The following WDR7 variants were observed in gnomAD, a reference collection of about 807,000 sequenced individuals.
WDR7 encodes WD repeat domain 7.
WDR7 carries 46 observed loss-of-function variants against 169.4 expected under a neutral mutation model. That is an observed-to-expected ratio of 0.27 (90% confidence interval 0.21 to 0.35). The LOEUF (loss-of-function observed/expected upper bound fraction) is 0.35, where lower values mean the gene tolerates loss of function less well. Among genes scored for constraint, WDR7 ranks in the 10% least tolerant of loss-of-function variants. The probability of loss-of-function intolerance (pLI) is 1.00; values close to 1 mark genes in which losing one functional copy is unlikely to be tolerated. For synonymous variants in WDR7, 612 were observed against 666.8 expected (o/e 0.92, Z 1.27); for missense variants, 1,534 against 1,859.3 (o/e 0.83, Z 3.22).
intron 23 of WDR7, 75 bp from the exon 24 acceptor site, chr18:56,938,458 A>T: frequency 1.3e-6 from 2 of 1,551,640 alleles, no homozygotes; most frequent in Non-Finnish European, 1.7e-6. Flanking sequence ...ATTAGAAAGT[A>T]AAAAATAAAC....
intron 21 of WDR7, among the ~76,000 whole-genome samples, chr18:56,893,365 T>A (rs548582764): frequency 1.3e-5 from 2 of 152,072 alleles, no homozygotes; most frequent in Admixed American, 1.3e-4. Context: ...TCAAACAATT[T>A]TTTATCAAGA....
intron 21 of WDR7, among the ~76,000 whole-genome samples, chr18:56,895,974 A>G (rs1397995964): frequency 1.3e-5 from 2 of 151,892 alleles, no homozygotes; most frequent in East Asian, 1.9e-4. Context: ...GTTTTATTCA[A>G]TAAACACATG....
intron 20 of WDR7, among the ~76,000 whole-genome samples, chr18:56,846,844 A>C (rs2045575894): frequency 6.6e-6 from 1 of 152,204 alleles, no homozygotes; most frequent in African/African-American, 2.4e-5. Flanking sequence ...CAGCCTGCAG[A>C]GCCATGAGCC....
chr18:56,925,650 A>G (rs2046796019), intron 22 of WDR7, among the ~76,000 whole-genome samples: 1 of 152,136 alleles, frequency 6.6e-6, no homozygotes, highest in Non-Finnish European at 1.5e-5. Flanking sequence ...ATAGTTGTCT[A>G]CTGACTGCTC....
At chr18:56,876,187 A>C (rs1599120704) in intron 20 of WDR7, among the ~76,000 whole-genome samples, 2 of 152,292 alleles carry the variant, frequency 1.3e-5, no homozygotes, top group East Asian at 3.9e-4. Flanking sequence ...AAAAATATTC[A>C]GAGAGCCTTG....
intron 26 of WDR7, among the ~76,000 whole-genome samples, chr18:56,988,168 C>A (rs1398251191): frequency 6.6e-6 from 1 of 152,176 alleles, no homozygotes; most frequent in Non-Finnish European, 1.5e-5. Flanking sequence ...AGTCTTATCA[C>A]CTTCGTAACC....
At chr18:56,828,112 C>G (rs1372729005) in intron 20 of WDR7, among the ~76,000 whole-genome samples, 1 of 152,146 alleles carries the variant, frequency 6.6e-6, no homozygotes, top group African/African-American at 2.4e-5. Flanking sequence ...GTTTGACTAT[C>G]CTTTACAAGG....
chr18:56,678,307 T>C (rs150376161), intron 2 of WDR7, among the ~76,000 whole-genome samples: 1 of 152,326 alleles, frequency 6.6e-6, no homozygotes, highest in African/African-American at 2.4e-5. Context: ...GAGGTTGTGT[T>C]TTCCTGGATG....
downstream of WDR7, chr18:57,033,186 G>A (rs1159488827): frequency 6.6e-6 from 1 of 152,074 alleles, no homozygotes; most frequent in African/African-American, 2.4e-5. Flanking sequence ...CTGAGACCCG[G>A]GGCAGGTAAA....
chr18:56,802,023 A>G (rs144445137), intron 19 of WDR7, among the ~76,000 whole-genome samples: 68 of 152,336 alleles, frequency 4.5e-4, no homozygotes, highest in Non-Finnish European at 7.9e-4. Flanking sequence ...AAGAGTAAGT[A>G]TGACTAAAAA....
chr18:57,008,052 T>C (rs931760437), intron 26 of WDR7, among the ~76,000 whole-genome samples: 1 of 152,168 alleles, frequency 6.6e-6, no homozygotes, highest in Admixed American at 6.5e-5. Flanking sequence ...TATTTCTGTG[T>C]GCTCAGTCCC....
chr18:56,693,562 T>TC lies in WDR7; in HGVS notation c.967-1057_967-1056insC, dbSNP rs2025625297. Among the ~76,000 whole-genome samples the TC allele has an allele frequency of 5.8e-5, 2 of 34,746 alleles. 1 individual carries two copies. Among genetic ancestry groups the TC allele is most frequent in the Non-Finnish European group, 3.2e-4 (2 of 6,314 alleles). 22.8% of individuals were successfully genotyped at this position (34,746 alleles called of 152,430 possible). A position where few individuals can be genotyped will look rare whatever the true frequency, so the allele number is the denominator to read the frequency against. On this transcript the variant is annotated intron_variant, in intron 9 of 27. Coordinates refer to ENST00000254442, the MANE Select transcript of WDR7 (RefSeq NM_015285.3). ...AAGCTTGATAGTTCAATTTTGTTGG[T>TC]TTTTTTTTTTGTTTTTTTTTTTTTT...
intron 13 of WDR7, among the ~76,000 whole-genome samples, chr18:56,725,862 T>C (rs1211625996): frequency 1.3e-5 from 2 of 152,238 alleles, no homozygotes; most frequent in African/African-American, 2.4e-5. Context: ...CAGTTTCAGC[T>C]TTCTACATAT....
chr18:56,818,032 T>C (rs1301707396), intron 20 of WDR7, among the ~76,000 whole-genome samples: 1 of 152,198 alleles, frequency 6.6e-6, no homozygotes, highest in Non-Finnish European at 1.5e-5. Context: ...CATGAGCCAC[T>C]GCACCTGGCC....
rs1226348026 is a variant in WDR7, at chr18:56,700,252, C to CTTTTTTTTTTTTTTTTT, written c.1578+3797_1578+3813dup. 5.9e-5 allele frequency among the ~76,000 whole-genome samples: 4 copies of CTTTTTTTTTTTTTTTTT among 67,254 alleles called. 1 individual carries two copies. Among genetic ancestry groups the CTTTTTTTTTTTTTTTTT allele is most frequent in the African/African-American group, 1.2e-4 (2 of 16,416 alleles). 44.1% of individuals were successfully genotyped at this position (67,254 alleles called of 152,430 possible). ...AAAGATACTGTTTATTTTTCATTTT[C>CTTTTTTTTTTTTTTTTT]TTTTTTTTTTTTTTTTTTTTTTTGA... is the stretch of plus-strand genomic sequence containing the variant. On this transcript the variant is annotated intron_variant, in intron 12 of 27. Transcript: ENST00000254442.
Position 56,816,014 on chromosome 18 carries a change from A to AT in WDR7, c.3191-15dup. ...TCATTTTTTGAAGTGAAGCCTTGTG[A>AT]TTCATATTTGTTTTAGCTGGAGTCA... is the stretch of plus-strand genomic sequence containing the variant. On this transcript the variant is annotated splice_polypyrimidine_tract_variant and intron_variant, in intron 19 of 27. Transcript: ENST00000254442. The AT allele has an allele frequency of 6.4e-7, 1 of 1,560,892 alleles. No homozygotes were observed. The highest frequency in any genetic ancestry group is 8.6e-7 in the Non-Finnish European group (1 of 1,157,542).
chr18:56,893,924 G>A (rs1435709858), intron 21 of WDR7, among the ~76,000 whole-genome samples: 3 of 151,956 alleles, frequency 2.0e-5, no homozygotes, highest in Non-Finnish European at 4.4e-5. Flanking sequence ...ATGTTATATA[G>A]CCTTCAAAAA....
chr18:56,924,260 A>C (rs1224219987), intron 22 of WDR7, 152 bp downstream of exon 22: 1 of 883,536 alleles, frequency 1.1e-6, no homozygotes, highest in Non-Finnish European at 1.7e-6. Flanking sequence ...GAATATGGAC[A>C]ATGAAAAGGA....
intron 12 of WDR7, among the ~76,000 whole-genome samples, chr18:56,712,986 T>A (rs2144719456): frequency 6.6e-6 from 1 of 152,234 alleles, no homozygotes; most frequent in Non-Finnish European, 1.5e-5. Context: ...GAGCCTCAAG[T>A]GGGGTGCCAG....
Sources: allele counts gnomAD v4.1 joint callset (sites outside exome capture counted in the v4.1 genomes callset), GRCh38; gene constraint gnomAD v4.1.1; transcripts MANE v1.5; gene names NCBI Gene and HGNC (gene_info 2026-07-23, HGNC 2026-07-21).